The following TCF7 variants were observed in gnomAD, a reference collection of about 807,000 sequenced individuals.
The protein encoded by TCF7 is T-cell-factor-7.
TCF7 carries 19 observed loss-of-function variants against 46.8 expected under a neutral mutation model. That is an observed-to-expected ratio of 0.41 (90% CI 0.28 to 0.60). The LOEUF (loss-of-function observed/expected upper bound fraction) is 0.60, where lower values mean the gene tolerates loss of function less well. Ranked by LOEUF, TCF7 falls within the 20% of genes least tolerant of loss-of-function variation. The pLI is 0.35. For missense variants in TCF7, 547 were observed against 504.6 expected (o/e 1.08, Z -0.81); for synonymous variants, 245 against 213.4 (o/e 1.15, Z -1.29).
chr5:134,122,528 T>C (rs1004377001), intron 3 of TCF7, among the ~76,000 whole-genome samples: 9 of 152,266 alleles, frequency 5.9e-5, no homozygotes, highest in Admixed American at 2.0e-4. Flanking sequence ...CTGGAGACCA[T>C]ACCCCATCCC....
chr5:134,120,640 C>T (rs1259453885), intron 3 of TCF7, among the ~76,000 whole-genome samples: 2 of 152,236 alleles, frequency 1.3e-5, no homozygotes, highest in Non-Finnish European at 2.9e-5. Context: ...CTTCTCGTTC[C>T]TCACTCAGGG....
chr5:134,108,454 G>A, the TCF7 span, among the ~76,000 whole-genome samples: 1 of 152,170 alleles, frequency 6.6e-6, no homozygotes, highest in African/African-American at 2.4e-5. Flanking sequence ...TACAGGATCT[G>A]GTACAGGTCC....
chr5:134,135,190 C>A (rs1345899585), intron 3 of TCF7, among the ~76,000 whole-genome samples: 1 of 152,132 alleles, frequency 6.6e-6, no homozygotes, highest in Non-Finnish European at 1.5e-5. Context: ...GAACTCCTGA[C>A]CTAAAGCAGT....
chr5:134,147,995 AAAG>A lies in TCF7; in HGVS notation c.*1693_*1695del, dbSNP rs1760902551. ...TCTCAAAAAAAAAAAAAAAAAAAAA[AAAG>A]GGCTGTCCATGTATTCACACACCCC... is the stretch of plus-strand genomic sequence containing the variant. On this transcript the variant is annotated 3_prime_UTR_variant, in exon 10 of 10. Transcript: ENST00000342854. The A allele has an allele frequency of 6.6e-6, 1 of 151,734 alleles. No homozygotes were observed. Among genetic ancestry groups the A allele is most frequent in the Non-Finnish European group, 1.5e-5 (1 of 67,870 alleles). 9.4% of individuals were successfully genotyped at this position (151,734 alleles called of 1,614,324 possible).
At chr5:134,146,113 AAG>A in intron 9 of TCF7, 109 bp from the exon 10 acceptor site, 1 of 1,607,720 alleles carries the variant, frequency 6.2e-7, no homozygotes, top group Non-Finnish European at 8.5e-7. Context: ...AAGTCCCAGG[AAG>A]AGAGGACAAG....
rs771389941 is a variant in TCF7 at position 134,147,457 on chromosome 5, G to A, written c.*1154G>A. 6.6e-6 allele frequency: 1 copy of A among 152,608 alleles called. No homozygotes were observed. The allele number at this position is 152,608 out of a possible 1,614,324, so 9.5% of individuals were successfully genotyped here. The stretch of plus-strand genomic sequence containing the variant: ...AACCCAAAACCTCATGACAGCCAGA[G>A]CCTGTCTTTCAGCATTCAGTCCGCC... On this transcript the variant is annotated 3_prime_UTR_variant, in exon 10 of 10. Transcript: ENST00000342854.
chr5:134,139,342 C>T, intron 5 of TCF7: 1 of 373,858 alleles, frequency 2.7e-6, no homozygotes, highest in Non-Finnish European at 5.0e-6. Context: ...GAACTCTGGG[C>T]TGCTAAGGGA....
At position 134,114,997 on chromosome 5, in the gene TCF7, G is replaced by A. The variant is rs1755601562; in HGVS notation, c.91G>A (p.Glu31Lys). 2 of 1,244,746 alleles carry A rather than the reference G, an allele frequency of 1.6e-6. No individual in the cohort carries two copies. Among genetic ancestry groups the A allele is most frequent in the Non-Finnish European group, 1.0e-6 (1 of 969,364 alleles). 77.1% of individuals were successfully genotyped at this position (1,244,746 alleles called of 1,614,324 possible). A position where few individuals can be genotyped will look rare whatever the true frequency, so the allele number is the denominator to read the frequency against. The change falls in exon 1 of 10, where the codon GAG becomes AAG. Residue 31 changes from glutamate to lysine, a missense_variant. Glu to Lys is a moderately conservative substitution (Grantham distance 56, BLOSUM62 1). This residue lies in a region of TCF7 where 425 missense variants were observed against 349.9 expected (regional missense o/e 1.21). Transcript: ENST00000342854. The stretch of plus-strand genomic sequence containing the variant: ...GCTGCTGGCCTTCCAGGATGAAGGC[G>A]AGGAGCAGGACGACAAGAGCCGCGA... Reference protein sequence around the residue: ...DELLAFQDEGEEQDDKSRDSA... With the variant: ...DELLAFQDEGKEQDDKSRDSA...
chr5:134,133,575 CCT>C (rs1280958922), intron 3 of TCF7, among the ~76,000 whole-genome samples: 2 of 152,146 alleles, frequency 1.3e-5, no homozygotes, highest in Admixed American at 1.3e-4. Context: ...GGTGCCAGGC[CCT>C]GTGCTAGACG....
intron 3 of TCF7, among the ~76,000 whole-genome samples, chr5:134,126,455 C>T (rs1464283234): frequency 1.3e-5 from 2 of 152,232 alleles, no homozygotes; most frequent in Non-Finnish European, 2.9e-5. Context: ...GTTCATTTCA[C>T]CACTGGGTTC....
upstream of TCF7, among the ~76,000 whole-genome samples, chr5:134,111,965 T>C (rs1009823154): frequency 6.6e-6 from 1 of 152,132 alleles, no homozygotes; most frequent in Non-Finnish European, 1.5e-5. Context: ...GATGATTAAA[T>C]GAGATAATGT....
intron 9 of TCF7, 62 bp downstream of exon 9, chr5:134,143,702 CT>C: frequency 6.3e-7 from 1 of 1,599,678 alleles, no homozygotes; most frequent in Non-Finnish European, 8.5e-7. Context: ...AAGAGCAGCC[CT>C]CCTCTGACCC....
chr5:134,139,313 G>C, intron 5 of TCF7: 1 of 475,850 alleles, frequency 2.1e-6, no homozygotes, highest in Non-Finnish European at 3.8e-6. Context: ...CAGTGTCCAA[G>C]AGATCCCCTT....
intron 5 of TCF7, chr5:134,140,602 C>A: frequency 2.9e-6 from 1 of 344,490 alleles, no homozygotes; most frequent in Non-Finnish European, 5.7e-6. Flanking sequence ...GATACCATTT[C>A]CATCCCTCAA....
chr5:134,142,361 C>T (rs1218247327), intron 6 of TCF7, 57 bp downstream of exon 6: 1 of 1,519,708 alleles, frequency 6.6e-7, no homozygotes, highest in African/African-American at 1.4e-5. Flanking sequence ...ACATGCCTCC[C>T]CACCAGGCCT....
At chr5:134,142,071 T>TG in intron 5 of TCF7, 114 bp from the exon 6 acceptor site, 1 of 1,420,360 alleles carries the variant, frequency 7.0e-7, no homozygotes, top group African/African-American at 1.4e-5. Flanking sequence ...TAGGATAGAG[T>TG]ATCTATCTGT....
chr5:134,121,639 G>A (rs986978421), intron 3 of TCF7, among the ~76,000 whole-genome samples: 7 of 151,442 alleles, frequency 4.6e-5, no homozygotes, highest in Admixed American at 1.3e-4. Context: ...CTGGGAAGCC[G>A]TGGCCACCCT....
rs1755601852 is a variant in TCF7 at position 134,114,999 on chromosome 5, G to A, written c.93G>A (p.Glu31=). The change falls in exon 1 of 10, where the codon GAG becomes GAA. Residue 31 remains glutamate, a synonymous_variant. Transcript: ENST00000342854. The part of the protein sequence containing the change: ...DELLAFQDEG[E]EQDDKSRDSA... The stretch of plus-strand genomic sequence containing the variant: ...TGCTGGCCTTCCAGGATGAAGGCGA[G>A]GAGCAGGACGACAAGAGCCGCGACA... The A allele has an allele frequency of 4.8e-6, 6 of 1,245,368 alleles. No individual in the cohort carries two copies. Among genetic ancestry groups the A allele is most frequent in the South Asian group, 1.5e-5 (1 of 65,352 alleles). The allele number at this position is 1,245,368 out of a possible 1,614,324, so 77.1% of individuals were successfully genotyped here. A position where few individuals can be genotyped will look rare whatever the true frequency, so the allele number is the denominator to read the frequency against.
chr5:134,110,300 G>T (rs1384260980), upstream of TCF7, among the ~76,000 whole-genome samples: 1 of 152,192 alleles, frequency 6.6e-6, no homozygotes, highest in African/African-American at 2.4e-5. Context: ...AAGTCCGAGG[G>T]ATGGAGCAGG....
Sources: gnomAD v4.1 joint callset for allele counts (sites outside exome capture counted in the v4.1 genomes callset) on GRCh38, gnomAD v4.1.1 for gene constraint, gnomAD v4.1.1 regional missense constraint, MANE v1.5 for transcripts, NCBI Gene and HGNC (gene_info 2026-07-23, HGNC 2026-07-21) for gene names.